TAF2: variants seen among roughly 807,000 people sequenced by gnomAD.
The protein encoded by TAF2 is TATA-box binding protein associated factor 2.
TAF2 carries 61 observed loss-of-function variants against 138.5 expected under a neutral mutation model. That is an observed-to-expected ratio of 0.44 (90% CI 0.36 to 0.54). The LOEUF (loss-of-function observed/expected upper bound fraction) is 0.54. Among genes scored for constraint, TAF2 ranks in the 20% least tolerant of loss-of-function variants. TAF2 has a pLI of 0.00. For synonymous variants in TAF2, 475 were observed against 469.9 expected, an observed-to-expected ratio of 1.01 and a Z score of -0.14; for missense variants, 1,090 against 1,427.9, an observed-to-expected ratio of 0.76 and a Z score of 3.81.
Position 119,819,476 on chromosome 8 carries a change from C to T in TAF2, c.169G>A (p.Val57Ile), listed in dbSNP as rs1221701000. Residue 57 changes from valine to isoleucine, a missense_variant, in exon 3 of 26, where the codon GTT (valine) becomes ATT (isoleucine). Coordinates refer to ENST00000378164, the MANE Select transcript of TAF2 (RefSeq NM_003184.4). ...GFVELTIFPT[V>I]ANLNRIKLNS... ...AACTTGATTCTATTCAAGTTTGCAA[C>T]TGTGGGAAATATAGTCAGTTCCACA... is the stretch of plus-strand genomic sequence containing the variant. 1.9e-6 allele frequency: 3 copies of T among 1,609,618 alleles called. No individual in the cohort carries two copies.
intron 18 of TAF2, among the ~76,000 whole-genome samples, chr8:119,776,895 T>A (rs1426783422): frequency 7.3e-6 from 1 of 136,628 alleles, no homozygotes; most frequent in African/African-American, 2.5e-5. Flanking sequence ...GTAGACACTA[T>A]AGCTGACCCT....
intron 10 of TAF2, among the ~76,000 whole-genome samples, chr8:119,792,839 A>G (rs1402965380): frequency 1.3e-5 from 2 of 152,180 alleles, no homozygotes. Context: ...GGTGCCAACT[A>G]GGTGCAGAGA....
chr8:119,783,647 C>T lies in TAF2; in HGVS notation c.1860-14G>A. ...GGGGAATCAGCACTGCAAGAAAATA[C>T]AATTTTCTTTTTAATTTAATTTTTA... On this transcript the variant is annotated splice_polypyrimidine_tract_variant and intron_variant, in intron 15 of 25. Coordinates refer to ENST00000378164, the MANE Select transcript of TAF2 (RefSeq NM_003184.4). The T allele has an allele frequency of 6.2e-7, 1 of 1,609,628 alleles. No homozygotes were observed. Among genetic ancestry groups the T allele is most frequent in the East Asian group, 2.2e-5 (1 of 44,756 alleles).
intron 18 of TAF2, among the ~76,000 whole-genome samples, chr8:119,764,308 C>T (rs144222649): frequency 0.016 from 2,458 of 152,214 alleles, 31 homozygotes; most frequent in Middle Eastern, 0.024. Flanking sequence ...TTTACGCTAT[C>T]CTTAGTATTC....
rs1282637777 is a variant in TAF2, at chr8:119,760,757, A to G, written c.2559-19T>C. Reference sequence around the variant, plus strand: ...CAAACAACTAGGGAAAAAAATACGTATGTTAACTACTTTCACTGAGGTATT... The same window carrying G: ...CAAACAACTAGGGAAAAAAATACGTGTGTTAACTACTTTCACTGAGGTATT... On this transcript the variant is annotated intron_variant, in intron 19 of 25. Coordinates refer to ENST00000378164, the MANE Select transcript of TAF2 (RefSeq NM_003184.4). 28 of 1,613,404 alleles carry G rather than the reference A, an allele frequency of 1.7e-5. No homozygotes were observed. The highest frequency in any genetic ancestry group is 2.3e-5 in the Non-Finnish European group (27 of 1,179,776).
In TAF2 at chr8:119,781,206, A is replaced by T; in HGVS notation, c.2113-13T>A. 1 of 1,613,914 alleles carries T rather than the reference A, an allele frequency of 6.2e-7. No homozygotes were observed. The highest frequency in any genetic ancestry group is 8.5e-7 in the Non-Finnish European group (1 of 1,179,942). Reference sequence around the variant, plus strand: ...TTGAATTTGCAATCTGCAAATAATTAGAAAACAAAGTAATTTCCATTACCA... The same window carrying T: ...TTGAATTTGCAATCTGCAAATAATTTGAAAACAAAGTAATTTCCATTACCA... On this transcript the variant is annotated splice_polypyrimidine_tract_variant and intron_variant, in intron 16 of 25. Transcript: ENST00000378164.
chr8:119,812,100 A>C, intron 3 of TAF2, among the ~76,000 whole-genome samples: 1 of 152,182 alleles, frequency 6.6e-6, no homozygotes, highest in East Asian at 1.9e-4. Flanking sequence ...AAGACAAAAA[A>C]GAGGGACAGG....
chr8:119,818,218 A>T (rs572222553), intron 3 of TAF2, among the ~76,000 whole-genome samples: 2 of 152,324 alleles, frequency 1.3e-5, no homozygotes, highest in Non-Finnish European at 2.9e-5. Flanking sequence ...AAACTGTAGG[A>T]GCCTACCCAC....
intron 5 of TAF2, among the ~76,000 whole-genome samples, chr8:119,802,323 G>A (rs1016039871): frequency 5.9e-5 from 9 of 152,038 alleles, no homozygotes; most frequent in African/African-American, 1.7e-4. Context: ...ACTTGTATCC[G>A]CATATTAGTC....
intron 22 of TAF2, among the ~76,000 whole-genome samples, chr8:119,754,410 G>T (rs1196582443): frequency 6.6e-6 from 1 of 152,196 alleles, no homozygotes; most frequent in Non-Finnish European, 1.5e-5. Flanking sequence ...GATAGGCCAG[G>T]CGTGGTGGCT....
intron 18 of TAF2, among the ~76,000 whole-genome samples, chr8:119,774,383 C>A (rs1822070283): frequency 6.6e-6 from 1 of 151,896 alleles, no homozygotes; most frequent in Non-Finnish European, 1.5e-5. Flanking sequence ...AGGCTATTTA[C>A]ACACAAAGAC....
Position 119,742,544 on chromosome 8 carries a change from C to T in TAF2, c.3327G>A (p.Arg1109=). Residue 1109 remains arginine, a synonymous_variant, in exon 25 of 26, where the codon CGG becomes CGA. Coordinates refer to ENST00000378164, the MANE Select transcript of TAF2 (RefSeq NM_003184.4). The part of the protein sequence containing the change: ...TKPQWSLELA[R]KGTGKEQAPL... ...ATTAATTATTTTTACCTGTTCCCTT[C>T]CGTGCAAGTTCCAAACTCCACTGGG... 1 of 1,613,886 alleles carries T rather than the reference C, an allele frequency of 6.2e-7. No homozygotes were observed. Among genetic ancestry groups the T allele is most frequent in the East Asian group, 2.2e-5 (1 of 44,860 alleles).
chr8:119,780,033 A>T (rs757840790), intron 17 of TAF2, among the ~76,000 whole-genome samples: 1 of 152,176 alleles, frequency 6.6e-6, no homozygotes, highest in Non-Finnish European at 1.5e-5. Flanking sequence ...TCCTCAACAT[A>T]GTATCCGTTC....
chr8:119,742,441 TA>T (rs1159669790), intron 25 of TAF2, 92 bp downstream of exon 25: 2 of 1,506,096 alleles, frequency 1.3e-6, no homozygotes, highest in Non-Finnish European at 1.8e-6. Flanking sequence ...TCTGTATTTT[TA>T]AAGGGTTTTT....
intron 24 of TAF2, 80 bp from the exon 25 acceptor site, chr8:119,742,736 T>C: frequency 1.3e-6 from 2 of 1,548,652 alleles, no homozygotes; most frequent in South Asian, 1.2e-5. Flanking sequence ...CAGGTTTTTA[T>C]AAGCTAGCCT....
At chr8:119,752,792 T>G (rs1009819922) in intron 22 of TAF2, among the ~76,000 whole-genome samples, 3 of 152,190 alleles carry the variant, frequency 2.0e-5, no homozygotes, top group Non-Finnish European at 4.4e-5. Flanking sequence ...TTTAAATTGG[T>G]TCAGTAAATT....
intron 9 of TAF2, 80 bp downstream of exon 9, chr8:119,795,452 G>T: frequency 1.6e-6 from 2 of 1,230,052 alleles, no homozygotes; most frequent in Non-Finnish European, 2.4e-6. Flanking sequence ...TTTTCAAGCA[G>T]TATTTTAAAA....
intron 18 of TAF2, among the ~76,000 whole-genome samples, chr8:119,763,876 C>T (rs985127766): frequency 3.4e-5 from 5 of 146,058 alleles, no homozygotes; most frequent in Non-Finnish European, 7.5e-5. Flanking sequence ...ATAGGCTGGG[C>T]GTGGTGGCTC....
At chr8:119,739,016 T>G (rs1819416394) in intron 25 of TAF2, among the ~76,000 whole-genome samples, 1 of 117,180 alleles carries the variant, frequency 8.5e-6, no homozygotes, top group African/African-American at 3.6e-5. Flanking sequence ...AGAAGTTTTT[T>G]TTTTTTTTTT....
Sources: allele counts gnomAD v4.1 joint callset (sites outside exome capture counted in the v4.1 genomes callset), GRCh38; gene constraint gnomAD v4.1.1; transcripts MANE v1.5; gene names NCBI Gene and HGNC (gene_info 2026-07-23, HGNC 2026-07-21).